CFAP61: variants seen among roughly 807,000 people sequenced by gnomAD.
CFAP61 encodes the protein cilia and flagella associated protein 61, also known as cilia- and flagella-associated protein 61.
In CFAP61, 107 loss-of-function variants were observed where a neutral mutation model predicts 135.6. The ratio of observed to expected loss-of-function variants is 0.79; its 90% CI spans 0.67 to 0.93. CFAP61 has a LOEUF of 0.93. CFAP61 is among the 40% of genes least tolerant of loss of function. CFAP61 has a pLI of 0.00. For missense variants in CFAP61, 1,507 were observed against 1,556.2 expected (o/e 0.97, Z 0.53); for synonymous variants, 575 against 578.5 (o/e 0.99, Z 0.09).
intron 17 of CFAP61, among the ~76,000 whole-genome samples, chr20:20,202,955 G>A (rs899983379): frequency 2.0e-5 from 3 of 152,074 alleles, no homozygotes; most frequent in African/African-American, 7.2e-5. Flanking sequence ...CTCCAGGCAT[G>A]AGTAATGGGA....
At chr20:20,291,271 A>G (rs143823115) in intron 24 of CFAP61, among the ~76,000 whole-genome samples, 1 of 152,342 alleles carries the variant, frequency 6.6e-6, no homozygotes, top group African/African-American at 2.4e-5. Context: ...ACAGGATTAT[A>G]CAGAGCAGCT....
At chr20:20,249,557 A>T (rs2050729057) in intron 19 of CFAP61, among the ~76,000 whole-genome samples, 1 of 152,122 alleles carries the variant, frequency 6.6e-6, no homozygotes, top group African/African-American at 2.4e-5. Flanking sequence ...AAAATCATTC[A>T]ATGTAGTAAC....
chr20:20,261,925 C>T (rs937977510), intron 20 of CFAP61, among the ~76,000 whole-genome samples: 6 of 152,174 alleles, frequency 3.9e-5, no homozygotes, highest in Non-Finnish European at 8.8e-5. Context: ...TGTTCCCACA[C>T]ACATCTGCAT....
At chr20:20,300,518 A>G (rs1325431385) in intron 25 of CFAP61, among the ~76,000 whole-genome samples, 1 of 152,244 alleles carries the variant, frequency 6.6e-6, no homozygotes, top group East Asian at 1.9e-4. Flanking sequence ...AACAGTAAAA[A>G]GTAAAATAAA....
chr20:20,075,062 G>T, intron 4 of CFAP61, 127 bp from the exon 5 acceptor site: 1 of 825,150 alleles, frequency 1.2e-6, no homozygotes, highest in South Asian at 1.5e-5. Context: ...TGCAGGTGGG[G>T]AGCAAAGGAG....
At chr20:20,172,978 C>T (rs1440716918) in intron 13 of CFAP61, among the ~76,000 whole-genome samples, 2 of 152,198 alleles carry the variant, frequency 1.3e-5, no homozygotes, top group African/African-American at 2.4e-5. Context: ...AACCACTGAT[C>T]TTTTTACTGT....
chr20:20,070,595 A>G (rs1335983868), intron 2 of CFAP61, among the ~76,000 whole-genome samples: 2 of 152,194 alleles, frequency 1.3e-5, no homozygotes, highest in African/African-American at 4.8e-5. Flanking sequence ...CTCCAAGGGA[A>G]AGATAGTAGA....
intron 9 of CFAP61, among the ~76,000 whole-genome samples, chr20:20,157,405 T>A (rs2146791692): frequency 6.6e-6 from 1 of 152,250 alleles, no homozygotes; most frequent in South Asian, 2.1e-4. Flanking sequence ...ATGAAGATAG[T>A]GTAATATAGG....
intron 25 of CFAP61, 94 bp downstream of exon 25, chr20:20,298,480 A>G (rs2055814051): frequency 9.6e-7 from 1 of 1,039,050 alleles, no homozygotes; most frequent in African/African-American, 1.6e-5. Flanking sequence ...CCCGAGAGCA[A>G]AACGGGAATC....
chr20:20,059,605 G>A (rs1035124422), intron 2 of CFAP61, among the ~76,000 whole-genome samples: 3 of 151,726 alleles, frequency 2.0e-5, no homozygotes, highest in African/African-American at 7.3e-5. Context: ...GTGACACAGT[G>A]AGACTCCATC....
intron 19 of CFAP61, among the ~76,000 whole-genome samples, chr20:20,248,254 A>G (rs541120352): frequency 3.9e-5 from 6 of 152,290 alleles, no homozygotes; most frequent in African/African-American, 1.4e-4. Context: ...TTTCTTAGAA[A>G]CCACATATTT....
chr20:20,360,689 G>C lies in CFAP61; in HGVS notation c.*279G>C, dbSNP rs1410937. On this transcript the variant is annotated 3_prime_UTR_variant, in exon 27 of 27. Coordinates refer to ENST00000245957, the MANE Select transcript of CFAP61 (RefSeq NM_015585.4). ...ATTTCAGCAATAAAATGAGATCATA[G>C]TGTGTAAAACTTGTTTTTACCTTGG... 407,893 of 435,116 alleles carry C rather than the reference G, an allele frequency of 0.94. 196,594 individuals carry two copies. The highest frequency in any genetic ancestry group is 1 in the East Asian group (24,324 of 24,324). The allele number at this position is 435,116 out of a possible 1,614,324, so 27.0% of individuals were successfully genotyped here.
intron 2 of CFAP61, chr20:20,069,823 GTCC>G (rs2045579676): frequency 6.7e-6 from 3 of 450,346 alleles, no homozygotes; most frequent in Admixed American, 4.8e-5. Context: ...GTCACTTTCT[GTCC>G]TCCTGTCATC....
At chr20:20,089,853 C>G (rs955519061) in intron 6 of CFAP61, among the ~76,000 whole-genome samples, 2 of 152,302 alleles carry the variant, frequency 1.3e-5, no homozygotes, top group Middle Eastern at 3.4e-3. Flanking sequence ...GAGCAGTGCT[C>G]CATCACTTCA....
At chr20:20,306,088 C>T (rs2056457416) in intron 25 of CFAP61, among the ~76,000 whole-genome samples, 6 of 152,160 alleles carry the variant, frequency 3.9e-5, no homozygotes, top group Admixed American at 3.9e-4. Flanking sequence ...GCATATGTCA[C>T]CTCCCACCTC....
intron 26 of CFAP61, among the ~76,000 whole-genome samples, chr20:20,352,549 G>T (rs1024406276): frequency 8.5e-5 from 13 of 152,150 alleles, no homozygotes; most frequent in African/African-American, 2.9e-4. Context: ...ACAGGCAATT[G>T]ATTTTTGACA....
chr20:20,057,646 G>GT (rs1428244961), intron 2 of CFAP61, among the ~76,000 whole-genome samples: 1 of 152,098 alleles, frequency 6.6e-6, no homozygotes, highest in African/African-American at 2.4e-5. Context: ...TTTTCTCTCT[G>GT]TTTTGTTTGT....
intron 25 of CFAP61, among the ~76,000 whole-genome samples, chr20:20,332,543 AT>A (rs1476221941): frequency 6.6e-6 from 1 of 152,206 alleles, no homozygotes; most frequent in Non-Finnish European, 1.5e-5. Context: ...TTTGCATTTA[AT>A]TTTCATCAAT....
At chr20:20,218,535 C>T (rs979460809) in intron 17 of CFAP61, among the ~76,000 whole-genome samples, 2 of 152,234 alleles carry the variant, frequency 1.3e-5, no homozygotes, top group African/African-American at 4.8e-5. Context: ...ACAGCCTAAA[C>T]TACTGACCTA....
Sources: gnomAD v4.1 joint callset for allele counts (sites outside exome capture counted in the v4.1 genomes callset) on GRCh38, gnomAD v4.1.1 for gene constraint, MANE v1.5 for transcripts, NCBI Gene and HGNC (gene_info 2026-07-23, HGNC 2026-07-21) for gene names.